Variants in CCSER1 observed in about 807,000 individuals in gnomAD.
CCSER1 encodes serine-rich coiled-coil domain-containing protein 1.
In CCSER1, 41 loss-of-function variants were observed where a neutral mutation model predicts 82.0. The ratio of observed to expected loss-of-function variants is 0.50; its 90% CI spans 0.39 to 0.65. CCSER1 has a LOEUF of 0.65. CCSER1 is among the 30% of genes least tolerant of loss of function. CCSER1 has a pLI of 0.00. For synonymous variants in CCSER1, 414 were observed against 383.9 expected (o/e 1.08, Z -0.92); for missense variants, 1,119 against 1,064.2 (o/e 1.05, Z -0.72).
At chr4:90,816,923 T>C (rs974640417) in intron 8 of CCSER1, among the ~76,000 whole-genome samples, 7 of 152,140 alleles carry the variant, frequency 4.6e-5, no homozygotes, top group Non-Finnish European at 8.8e-5. Flanking sequence ...AACAGTGTTC[T>C]AGGATTGGAT....
At chr4:90,489,871 A>G (rs1006335113) in intron 5 of CCSER1, among the ~76,000 whole-genome samples, 1 of 152,124 alleles carries the variant, frequency 6.6e-6, no homozygotes, top group Admixed American at 6.6e-5. Context: ...TTATGGCTGC[A>G]TAGTATTCCA....
At chr4:90,778,509 T>C (rs1033790617) in intron 7 of CCSER1, among the ~76,000 whole-genome samples, 11 of 145,592 alleles carry the variant, frequency 7.6e-5, no homozygotes, top group Non-Finnish European at 1.7e-4. Context: ...GGCAGTATCT[T>C]ATTGGGAATG....
intron 10 of CCSER1, among the ~76,000 whole-genome samples, chr4:91,152,628 A>T (rs1024941280): frequency 6.6e-6 from 1 of 152,102 alleles, no homozygotes; most frequent in Non-Finnish European, 1.5e-5. Flanking sequence ...GGTCTTCACA[A>T]TTTGGCATGT....
chr4:90,473,824 A>G lies in CCSER1; in HGVS notation c.1724+5470A>G, dbSNP rs555627012. ...GCTGATCTCCAATTTTCCTTTAACA[A>G]TCTTCAGGAGAACATATTTATTTAT... is the stretch of plus-strand genomic sequence containing the variant. On this transcript the variant is annotated intron_variant, in intron 5 of 10. Coordinates refer to ENST00000509176, the MANE Select transcript of CCSER1 (RefSeq NM_001145065.2). Among the ~76,000 whole-genome samples, 21 of 152,320 alleles carry G rather than the reference A, an allele frequency of 1.4e-4. No homozygotes were observed. In the South Asian group the frequency reaches 3.9e-3, roughly 29 times the overall value.
At chr4:91,212,014 A>T (rs1224055219) in intron 10 of CCSER1, among the ~76,000 whole-genome samples, 1 of 152,140 alleles carries the variant, frequency 6.6e-6, no homozygotes, top group Non-Finnish European at 1.5e-5. Context: ...CACATTTGAC[A>T]TAGTTTGCTT....
chr4:90,945,426 A>G (rs1025960410), intron 9 of CCSER1, among the ~76,000 whole-genome samples: 2 of 152,174 alleles, frequency 1.3e-5, no homozygotes, highest in Non-Finnish European at 2.9e-5. Flanking sequence ...TTTATTGAAT[A>G]TAATTGCCTT....
At position 91,009,444 on chromosome 4, in the gene CCSER1, C is replaced by T. The variant is rs544508176; in HGVS notation, c.2173-76506C>T. Among the ~76,000 whole-genome samples, 7 of 152,216 alleles carry T rather than the reference C, an allele frequency of 4.6e-5. No homozygotes were observed. The South Asian group carries it at 1.2e-3, about 27-fold the overall frequency. On this transcript the variant is annotated intron_variant, in intron 9 of 10. Coordinates refer to ENST00000509176, the MANE Select transcript of CCSER1 (RefSeq NM_001145065.2). ...AGTGTGAGCTAAGTTGCAAGCCCCG[C>T]GTTTAAAGGTGGATGCAGTCACCTT...
intron 10 of CCSER1, among the ~76,000 whole-genome samples, chr4:91,290,951 C>A (rs937677357): frequency 6.6e-5 from 10 of 151,666 alleles, no homozygotes; most frequent in Non-Finnish European, 1.5e-4. Context: ...AATTAATGAG[C>A]TAACTAGTAA....
intron 8 of CCSER1, among the ~76,000 whole-genome samples, chr4:90,864,388 G>A (rs1325829860): frequency 6.6e-6 from 1 of 151,982 alleles, no homozygotes; most frequent in African/African-American, 2.4e-5. Context: ...AGGTGGTTAG[G>A]TCATGAGGGC....
intron 10 of CCSER1, among the ~76,000 whole-genome samples, chr4:91,301,067 C>T (rs1052039504): frequency 4.0e-5 from 6 of 151,692 alleles, no homozygotes; most frequent in African/African-American, 1.2e-4. Flanking sequence ...GATGGCTTTG[C>T]GTGGCATTTG....
chr4:90,385,460 G>GTT (rs199523272), intron 3 of CCSER1, among the ~76,000 whole-genome samples: 17 of 134,898 alleles, frequency 1.3e-4, no homozygotes, highest in East Asian at 2.2e-4. Flanking sequence ...TCTCGGTGTA[G>GTT]TTTTTTTTTT....
chr4:91,341,707 A>G (rs978027413), intron 10 of CCSER1, among the ~76,000 whole-genome samples: 2 of 152,042 alleles, frequency 1.3e-5, no homozygotes, highest in African/African-American at 4.8e-5. Flanking sequence ...ACCCCTGGCT[A>G]ATTTTTGTAT....
intron 3 of CCSER1, among the ~76,000 whole-genome samples, chr4:90,362,880 C>T (rs1386245954): frequency 1.3e-5 from 2 of 152,144 alleles, no homozygotes; most frequent in African/African-American, 4.8e-5. Flanking sequence ...GGATGCCTTT[C>T]TAAGTTGTGT....
intron 10 of CCSER1, among the ~76,000 whole-genome samples, chr4:91,277,183 C>T (rs115693656): frequency 0.027 from 4,055 of 152,070 alleles, 69 homozygotes; most frequent in Non-Finnish European, 0.038. Flanking sequence ...AGCAAGAATT[C>T]CCTTCTTGTA....
At chr4:90,338,529 A>G (rs1740824279) in intron 3 of CCSER1, among the ~76,000 whole-genome samples, 2 of 152,172 alleles carry the variant, frequency 1.3e-5, no homozygotes, top group South Asian at 4.1e-4. Context: ...TTTCACACTG[A>G]TTACCTTATG....
chr4:90,720,798 TAATA>T (rs1742539578), intron 6 of CCSER1, among the ~76,000 whole-genome samples: 1 of 152,016 alleles, frequency 6.6e-6, no homozygotes, highest in African/African-American at 2.4e-5. Flanking sequence ...TATTTATCAA[TAATA>T]AATATAATAG....
At chr4:91,410,205 A>G (rs188918792) in intron 10 of CCSER1, among the ~76,000 whole-genome samples, 1 of 152,334 alleles carries the variant, frequency 6.6e-6, no homozygotes, top group African/African-American at 2.4e-5. Flanking sequence ...TGTTATTCCT[A>G]CTGGATAATT....
chr4:90,844,471 C>T (rs1561235387), intron 8 of CCSER1, among the ~76,000 whole-genome samples: 1 of 152,158 alleles, frequency 6.6e-6, no homozygotes, highest in Non-Finnish European at 1.5e-5. Flanking sequence ...TCTTATTGTT[C>T]CTTGAACACA....
intron 8 of CCSER1, among the ~76,000 whole-genome samples, chr4:90,914,332 T>G (rs972923757): frequency 1.3e-5 from 2 of 152,088 alleles, no homozygotes; most frequent in Middle Eastern, 3.2e-3. Flanking sequence ...AACTCAGGAT[T>G]AAGAAAATCA....
Sources: allele counts gnomAD v4.1 joint callset (sites outside exome capture counted in the v4.1 genomes callset), GRCh38; gene constraint gnomAD v4.1.1; transcripts MANE v1.5; gene names NCBI Gene and HGNC (gene_info 2026-07-23, HGNC 2026-07-21).